Variants in ITGAV observed in about 807,000 individuals in gnomAD.
ITGAV encodes integrin subunit alpha V, also known as integrin alpha-V.
Under a neutral mutation model 143.8 loss-of-function variants are expected in ITGAV, and 76 were observed. The ratio of observed to expected loss-of-function variants is 0.53; its 90% CI spans 0.44 to 0.64. The LOEUF is 0.64. Ranked by LOEUF, ITGAV falls within the 30% of genes least tolerant of loss-of-function variation. The pLI is 0.00. For synonymous variants in ITGAV, 453 were observed against 446.7 expected (o/e 1.01, Z -0.18); for missense variants, 1,193 against 1,274.7 (o/e 0.94, Z 0.98).
At chr2:186,595,599 A>T (rs1243586310) in intron 1 of ITGAV, among the ~76,000 whole-genome samples, 2 of 151,048 alleles carry the variant, frequency 1.3e-5, no homozygotes, top group Non-Finnish European at 2.9e-5. Context: ...CCCAAACTCA[A>T]TCCTTTATAT....
chr2:186,659,709 T>G (rs1169486402), intron 18 of ITGAV, among the ~76,000 whole-genome samples: 1 of 151,758 alleles, frequency 6.6e-6, no homozygotes, highest in Non-Finnish European at 1.5e-5. Context: ...ACATTAATAT[T>G]TCTTCCTTCA....
intron 2 of ITGAV, among the ~76,000 whole-genome samples, chr2:186,621,863 C>G (rs562301626): frequency 6.6e-6 from 1 of 152,106 alleles, no homozygotes; most frequent in South Asian, 2.1e-4. Context: ...TTCTACCAAC[C>G]AAATCAAGTT....
At chr2:186,600,157 C>G in intron 1 of ITGAV, 1 of 570,980 alleles carries the variant, frequency 1.8e-6, no homozygotes, top group Non-Finnish European at 3.1e-6. Flanking sequence ...GCTCCTTGAC[C>G]TTATCTTGTG....
intron 2 of ITGAV, among the ~76,000 whole-genome samples, chr2:186,615,411 A>G (rs932143927): frequency 1.3e-5 from 2 of 152,022 alleles, no homozygotes; most frequent in Non-Finnish European, 2.9e-5. Flanking sequence ...ACCATTTTAC[A>G]TTTCTATTAG....
chr2:186,667,291 C>T (rs1688927499), intron 23 of ITGAV, 61 bp downstream of exon 23: 3 of 1,258,786 alleles, frequency 2.4e-6, no homozygotes, highest in Non-Finnish European at 3.5e-6. Context: ...AGGTAACTGT[C>T]AGGCCTTAGC....
In ITGAV at chr2:186,652,057, C is replaced by T. The variant is rs201402480; in HGVS notation, c.1473C>T (p.Cys491=). Residue 491 remains cysteine, a synonymous_variant, in exon 15 of 30, where the codon TGC becomes TGT. Coordinates refer to ENST00000261023, the MANE Select transcript of ITGAV (RefSeq NM_002210.5). Reference sequence around the variant, plus strand: ...TTTTAAATCAAGACAATAAAACCTGCTCACTGCCTGGAACAGCTCTCAAAG... The same window carrying T: ...TTTTAAATCAAGACAATAAAACCTGTTCACTGCCTGGAACAGCTCTCAAAG... The part of the protein sequence containing the change: ...PSILNQDNKT[C]SLPGTALKVS... The T allele has an allele frequency of 1.6e-5, 25 of 1,611,948 alleles. No individual in the cohort carries two copies. The South Asian group carries it at 2.5e-4, about 16-fold the overall frequency.
At chr2:186,654,764 A>T (rs1048369271) in intron 16 of ITGAV, 56 bp downstream of exon 16, 1 of 720,210 alleles carries the variant, frequency 1.4e-6, no homozygotes, top group African/African-American at 1.8e-5. Context: ...CACAGCACTT[A>T]AAAAATATTT....
intron 5 of ITGAV, among the ~76,000 whole-genome samples, chr2:186,632,761 TAAG>T (rs1299632704): frequency 6.6e-6 from 1 of 152,106 alleles, no homozygotes; most frequent in Admixed American, 6.6e-5. Context: ...TATACAAAAT[TAAG>T]AAGTGCCTTA....
At chr2:186,605,839 A>G (rs1288105663) in intron 2 of ITGAV, among the ~76,000 whole-genome samples, 1 of 148,814 alleles carries the variant, frequency 6.7e-6, no homozygotes, top group African/African-American at 2.4e-5. Flanking sequence ...ATTCTTATGT[A>G]TATGTATAAT....
chr2:186,663,483 TATG>T (rs1344639894), intron 18 of ITGAV, among the ~76,000 whole-genome samples: 3 of 152,210 alleles, frequency 2.0e-5, no homozygotes, highest in Non-Finnish European at 4.4e-5. Context: ...TTCATTCAAA[TATG>T]ATAACAGCTT....
At chr2:186,638,745 CAG>C (rs1688021704) in intron 10 of ITGAV, among the ~76,000 whole-genome samples, 1 of 151,238 alleles carries the variant, frequency 6.6e-6, no homozygotes, top group Non-Finnish European at 1.5e-5. Context: ...ATTTTATCAT[CAG>C]AGTTTCTAAT....
intron 7 of ITGAV, among the ~76,000 whole-genome samples, chr2:186,636,795 G>A (rs1183468394): frequency 6.6e-6 from 1 of 152,188 alleles, no homozygotes; most frequent in Non-Finnish European, 1.5e-5. Flanking sequence ...TCTTTATGAT[G>A]AGTTGTAAAT....
Position 186,637,046 on chromosome 2 carries a change from C to A in ITGAV, c.758-19C>A, listed in dbSNP as rs767946109. On this transcript the variant is annotated intron_variant, in intron 7 of 29. Transcript: ENST00000261023. The stretch of plus-strand genomic sequence containing the variant: ...AACGTCCTTGTCCTGATGGTTCTCC[C>A]CTTTGGTTTCCTGTTTAGGTTATTC... The A allele has an allele frequency of 1.3e-5, 21 of 1,610,320 alleles. No homozygotes were observed. The highest frequency in any genetic ancestry group is 1.0e-4 in the Admixed American group (6 of 59,988).
At chr2:186,610,561 G>A (rs1687189416) in intron 2 of ITGAV, among the ~76,000 whole-genome samples, 1 of 151,976 alleles carries the variant, frequency 6.6e-6, no homozygotes, top group Non-Finnish European at 1.5e-5. Flanking sequence ...TTGCCCTCTT[G>A]GATTTGTAAA....
intron 1 of ITGAV, among the ~76,000 whole-genome samples, chr2:186,598,562 C>T (rs376385072): frequency 7.3e-5 from 11 of 151,700 alleles, no homozygotes; most frequent in African/African-American, 1.9e-4. Flanking sequence ...CTCAGCCTCC[C>T]GAGTAGCTGG....
At chr2:186,647,184 A>G (rs1458475522) in intron 13 of ITGAV, among the ~76,000 whole-genome samples, 1 of 151,840 alleles carries the variant, frequency 6.6e-6, no homozygotes, top group South Asian at 2.1e-4. Flanking sequence ...AATGTTAGCT[A>G]TCTTTTTTAT....
intron 26 of ITGAV, 24 bp downstream of exon 26, chr2:186,669,838 C>A: frequency 7.0e-7 from 1 of 1,422,568 alleles, no homozygotes; most frequent in Non-Finnish European, 9.9e-7. Flanking sequence ...CAAATATGTG[C>A]ACCATAGACA....
In ITGAV at chr2:186,640,905, T is replaced by G. The variant is rs1205108958; in HGVS notation, c.904-10T>G. The G allele has an allele frequency of 6.3e-7, 1 of 1,583,616 alleles. No individual in the cohort carries two copies. The highest frequency in any genetic ancestry group is 2.3e-5 in the East Asian group (1 of 44,316). ...AAATATAAACATTTCATTTTCATCT[T>G]TTTATCCAGATGGCTGCATATTTCG... On this transcript the variant is annotated splice_polypyrimidine_tract_variant and intron_variant, in intron 10 of 29. Coordinates refer to ENST00000261023, the MANE Select transcript of ITGAV (RefSeq NM_002210.5).
At chr2:186,638,232 G>A in intron 8 of ITGAV, 45 bp from the exon 9 acceptor site, 1 of 1,574,170 alleles carries the variant, frequency 6.4e-7, no homozygotes, top group Admixed American at 1.7e-5. Flanking sequence ...GCAACTTCCA[G>A]TGTTGTCCTA....
Sources: gnomAD v4.1 joint callset for allele counts (sites outside exome capture counted in the v4.1 genomes callset) on GRCh38, gnomAD v4.1.1 for gene constraint, MANE v1.5 for transcripts, NCBI Gene and HGNC (gene_info 2026-07-23, HGNC 2026-07-21) for gene names.